Variants in ZFP28 observed in about 807,000 individuals in gnomAD.
ZFP28 encodes the protein zinc finger protein 28 homolog.
A neutral mutation model predicts 39.5 loss-of-function variants in ZFP28; 31 were observed. The ratio of observed to expected loss-of-function variants is 0.79; its 90% CI spans 0.59 to 1.06. ZFP28 has a LOEUF of 1.06. Among genes scored for constraint, ZFP28 ranks in the 50% least tolerant of loss-of-function variants. The pLI is 0.00. For missense variants in ZFP28, 925 were observed against 1,048.4 expected, an observed-to-expected ratio of 0.88 and a Z score of 1.63; for synonymous variants, 400 against 378.6, an observed-to-expected ratio of 1.06 and a Z score of -0.66.
Position 56,549,008 on chromosome 19 carries a change from T to TG in ZFP28, c.575dup (p.Cys192TrpfsTer18). The TG allele has an allele frequency of 6.2e-7, 1 of 1,614,116 alleles. No homozygotes were observed. Among genetic ancestry groups the TG allele is most frequent in the Non-Finnish European group, 8.5e-7 (1 of 1,180,014 alleles). ...GGAGTTACCTCTCAAGAAGGACTTC[T>TG]GCGAAGGAAAGCTATCCCAGGCAGT... On this transcript the variant is annotated frameshift_variant, in exon 5 of 8. Transcript: ENST00000301318. LOFTEE classifies it high-confidence loss of function.
In ZFP28 at chr19:56,555,377, C is replaced by T. The variant is rs2044342172; in HGVS notation, c.2592C>T (p.Ser864=). 6.2e-7 allele frequency: 1 copy of T among 1,610,686 alleles called. No individual in the cohort carries two copies. The highest frequency in any genetic ancestry group is 1.3e-5 in the African/African-American group (1 of 74,780). Residue 864 remains serine, a synonymous_variant, in exon 8 of 8, where the codon TCC becomes TCT. Transcript: ENST00000301318. ...CCAAATTTCTCTGGAATCCATCCTC[C>T]CTCCCATCACCATAGCCTCGAGACG... The part of the protein sequence containing the change: ...LFPKFLWNPS[S]LPSP
intron 2 of ZFP28, among the ~76,000 whole-genome samples, chr19:56,541,240 C>T (rs1247589139): frequency 1.3e-5 from 2 of 152,248 alleles, no homozygotes; most frequent in Non-Finnish European, 2.9e-5. Context: ...CTCTCAGTTA[C>T]TCAGTCCGGA....
At chr19:56,551,602 T>C (rs1051803625) in intron 7 of ZFP28, 3 of 985,426 alleles carry the variant, frequency 3.0e-6, no homozygotes, top group Non-Finnish European at 3.6e-6. Context: ...CCTGCTAGGC[T>C]CTGAAAGTTT....
Position 56,553,704 on chromosome 19 carries a change from A to G in ZFP28, c.919A>G (p.Thr307Ala), listed in dbSNP as rs1049423303. ...LFSGQRSVHE[T>A]QELFPKQDSY... ...TTCAGGCCAGCGATCTGTACATGAG[A>G]CCCAGGAATTATTTCCAAAGCAAGA... The change falls in exon 8 of 8, where the codon ACC becomes GCC. Residue 307 changes from threonine to alanine, a missense_variant. Physicochemically the swap from Thr to Ala is moderately conservative, Grantham distance 58. Coordinates refer to ENST00000301318, the MANE Select transcript of ZFP28 (RefSeq NM_020828.2). 1 of 1,610,612 alleles carries G rather than the reference A, an allele frequency of 6.2e-7. No individual in the cohort carries two copies. Among genetic ancestry groups the G allele is most frequent in the African/African-American group, 1.3e-5 (1 of 74,766 alleles).
rs2044171073 is a variant in ZFP28, at chr19:56,539,235, G to T, written c.208+9G>T. 2 of 1,589,508 alleles carry T rather than the reference G, an allele frequency of 1.3e-6. No individual in the cohort carries two copies. Among genetic ancestry groups the T allele is most frequent in the East Asian group, 4.5e-5 (2 of 44,212 alleles). ...GGGGCCTGGGCACAGAGGTGAGAGT[G>T]ACAGGTGTTTGGGGCCGAGCGGACA... On this transcript the variant is annotated intron_variant, in intron 1 of 7. Coordinates refer to ENST00000301318, the MANE Select transcript of ZFP28 (RefSeq NM_020828.2).
chr19:56,551,420 G>T (rs1018024536), intron 7 of ZFP28: 5 of 985,474 alleles, frequency 5.1e-6, no homozygotes, highest in Non-Finnish European at 6.0e-6. Flanking sequence ...AAATTACAGT[G>T]TATATTCAGT....
At chr19:56,550,850 T>C in intron 7 of ZFP28, 1 of 1,454,688 alleles carries the variant, frequency 6.9e-7, no homozygotes, top group Non-Finnish European at 9.0e-7. Context: ...TATCATCCAC[T>C]TGCTTCCTTA....
intron 2 of ZFP28, among the ~76,000 whole-genome samples, chr19:56,542,399 C>T (rs981691143): frequency 1.3e-5 from 2 of 152,220 alleles, no homozygotes; most frequent in Non-Finnish European, 2.9e-5. Flanking sequence ...GGCAACCGCC[C>T]GCCTTGGGCT....
rs1394095883 is a variant in ZFP28, at chr19:56,549,097, T to C, written c.663T>C (p.Tyr221=). Reference sequence around the variant, plus strand: ...CTCTGTTAGGGGAACACTGGGATTATGATGCTCTGTTTGAGACACAGCCGG... The same window carrying C: ...CTCTGTTAGGGGAACACTGGGATTACGATGCTCTGTTTGAGACACAGCCGG... ...EYSLLGEHWD[Y]DALFETQPGL... The change falls in exon 5 of 8, where the codon TAT becomes TAC. Residue 221 remains tyrosine (Y), a synonymous_variant. Coordinates refer to ENST00000301318, the MANE Select transcript of ZFP28 (RefSeq NM_020828.2). 1 of 1,611,894 alleles carries C rather than the reference T, an allele frequency of 6.2e-7. No individual in the cohort carries two copies. Among genetic ancestry groups the C allele is most frequent in the African/African-American group, 1.3e-5 (1 of 74,990 alleles).
intron 2 of ZFP28, among the ~76,000 whole-genome samples, chr19:56,542,390 G>A (rs922524356): frequency 3.3e-5 from 5 of 152,176 alleles, no homozygotes; most frequent in African/African-American, 1.2e-4. Flanking sequence ...CTGGCCTCAG[G>A]CAACCGCCCG....
intron 5 of ZFP28, among the ~76,000 whole-genome samples, 187 bp downstream of exon 5, chr19:56,549,308 G>A (rs772673081): frequency 6.6e-6 from 1 of 152,208 alleles, no homozygotes; most frequent in Non-Finnish European, 1.5e-5. Flanking sequence ...ACAGTGGAGG[G>A]GGAAATTGAG....
chr19:56,541,579 C>T (rs73070074), intron 2 of ZFP28, among the ~76,000 whole-genome samples: 22,543 of 152,144 alleles, frequency 0.15, 1,853 homozygotes, highest in Middle Eastern at 0.21. Context: ...ACTGACCAGG[C>T]CCTACATGAC....
chr19:56,547,057 AGTTT>A lies in ZFP28; in HGVS notation c.301-447_301-444del, dbSNP rs1345433050. The A allele has an allele frequency of 5.9e-6, 1 of 169,614 alleles. No individual in the cohort carries two copies. Among genetic ancestry groups the A allele is most frequent in the Non-Finnish European group, 1.3e-5 (1 of 77,792 alleles). 10.5% of individuals were successfully genotyped at this position (169,614 alleles called of 1,614,324 possible). Reference sequence around the variant, plus strand: ...CAAGGAATCTTTAGATCCCTATATTAGTTTGTTAGGGCTGCCAGAACAAATACCA... The same window carrying A: ...CAAGGAATCTTTAGATCCCTATATTAGTTAGGGCTGCCAGAACAAATACCA... On this transcript the variant is annotated intron_variant, in intron 2 of 7. Transcript: ENST00000301318. The surrounding 1 kb of genome is among the most constrained non-coding windows in gnomAD (Gnocchi z 4.6).
At chr19:56,538,374 C>A (rs906952295), upstream of ZFP28, 2 of 152,558 alleles carry the variant, frequency 1.3e-5, no homozygotes, top group African/African-American at 4.8e-5. Context: ...AGCCAAGCAC[C>A]CTTTTACTCC....
At position 56,550,011 on chromosome 19, in the gene ZFP28, A is replaced by T. The variant is rs2044281463; in HGVS notation, c.688-56A>T. 3 of 1,440,342 alleles carry T rather than the reference A, an allele frequency of 2.1e-6. No individual in the cohort carries two copies. In the African/African-American group the frequency reaches 4.2e-5, roughly 20 times the overall value. 89.2% of individuals were successfully genotyped at this position (1,440,342 alleles called of 1,614,324 possible). On this transcript the variant is annotated intron_variant, in intron 5 of 7. Transcript: ENST00000301318. ...TGTGGACACAGTCCATCCCACTGAG[A>T]CCAGGTGAGTTCACGAACATGGTTT...
Position 56,547,616 on chromosome 19 carries a change from A to G in ZFP28, c.409A>G (p.Arg137Gly). Reference sequence around the variant, plus strand: ...CAGGAAGGTGATGTTGGAGAACTACAGGAACCTGGCATCGCTGGGTAAGGG... The same window carrying G: ...CAGGAAGGTGATGTTGGAGAACTACGGGAACCTGGCATCGCTGGGTAAGGG... ...LYRKVMLENYRNLASLGLCVS... is the reference protein window; with the variant it reads ...LYRKVMLENYGNLASLGLCVS... The change falls in exon 3 of 8, where the codon AGG becomes GGG. Residue 137 changes from arginine (R) to glycine (G), a missense_variant. Coordinates refer to ENST00000301318, the MANE Select transcript of ZFP28 (RefSeq NM_020828.2). The surrounding 1 kb of genome is among the most constrained non-coding windows in gnomAD (Gnocchi z 4.6). The G allele has an allele frequency of 6.2e-7, 1 of 1,612,412 alleles. No homozygotes were observed. Among genetic ancestry groups the G allele is most frequent in the Non-Finnish European group, 8.5e-7 (1 of 1,178,956 alleles).
intron 2 of ZFP28, among the ~76,000 whole-genome samples, chr19:56,543,312 CGT>C (rs1383122163): frequency 1.4e-5 from 2 of 145,210 alleles, no homozygotes; most frequent in African/African-American, 5.0e-5. Flanking sequence ...TGTGTGTGTG[CGT>C]GTGTTTATAT....
At chr19:56,546,668 T>C (rs1408771049) in intron 2 of ZFP28, 2 of 151,964 alleles carry the variant, frequency 1.3e-5, no homozygotes, top group Admixed American at 1.3e-4. Context: ...AGAGTAAAAA[T>C]AGAAATTCTT....
intron 7 of ZFP28, chr19:56,551,496 C>T: frequency 1.0e-6 from 1 of 984,816 alleles, no homozygotes; most frequent in Non-Finnish European, 1.2e-6. Context: ...GGTTGCTTTA[C>T]ATTTCTTAGT....
Sources: gnomAD v4.1 joint callset for allele counts (sites outside exome capture counted in the v4.1 genomes callset) on GRCh38, gnomAD v4.1.1 for gene constraint, Gnocchi (gnomAD v3.1) non-coding constraint, MANE v1.5 for transcripts, NCBI Gene and HGNC (gene_info 2026-07-23, HGNC 2026-07-21) for gene names.